Variants in CES5A observed in about 807,000 individuals in gnomAD.
The protein encoded by CES5A is carboxylesterase 5A.
In CES5A, 67 loss-of-function variants were observed where a neutral mutation model predicts 62.9. The observed-to-expected ratio is 1.07, with a 90% confidence interval of 0.88 to 1.31. The LOEUF (loss-of-function observed/expected upper bound fraction) is 1.31. CES5A is among the 50% of genes most tolerant of loss of function. The pLI is 0.00. For synonymous variants in CES5A, 296 were observed against 280.8 expected (o/e 1.05, Z -0.54); for missense variants, 748 against 708.5 (o/e 1.06, Z -0.63).
intron 1 of CES5A, among the ~76,000 whole-genome samples, chr16:55,904,805 C>G (rs2034023663): frequency 6.6e-6 from 1 of 152,154 alleles, no homozygotes; most frequent in African/African-American, 2.4e-5. Context: ...TTTCTAGTCT[C>G]AGGTCGGGCC....
At chr16:55,911,427 C>T (rs1168321852) in intron 1 of CES5A, among the ~76,000 whole-genome samples, 1 of 152,210 alleles carries the variant, frequency 6.6e-6, no homozygotes, top group Non-Finnish European at 1.5e-5. Flanking sequence ...AACATACAGT[C>T]TCTGCTACAG....
In CES5A at chr16:55,875,261, T is replaced by C; in HGVS notation, c.-40A>G. ...GCACTCTGTGAACATTGACGGCGGC[T>C]GCTGGCCTCAGAGAGCTTCAGTTGG... On this transcript the variant is annotated 5_prime_UTR_variant, in exon 1 of 13. Coordinates refer to ENST00000290567, the MANE Select transcript of CES5A (RefSeq NM_001143685.2). 6.2e-7 allele frequency: 1 copy of C among 1,603,906 alleles called. No individual in the cohort carries two copies. The highest frequency in any genetic ancestry group is 8.5e-7 in the Non-Finnish European group (1 of 1,174,954).
chr16:55,860,491 G>A (rs1308479261), intron 7 of CES5A, among the ~76,000 whole-genome samples: 2 of 152,134 alleles, frequency 1.3e-5, no homozygotes, highest in African/African-American at 4.8e-5. Context: ...TGGTCCTCCA[G>A]GTGATCCTGA....
At position 55,854,544 on chromosome 16, in the gene CES5A, C is replaced by CTTTTCTTTTTTT. The variant is rs750867515; in HGVS notation, c.1126-1517_1126-1516insAAAAAAAGAAAA. Among the ~76,000 whole-genome samples the CTTTTCTTTTTTT allele has an allele frequency of 8.1e-3, 519 of 64,410 alleles. 32 individuals carry two copies. The highest frequency in any genetic ancestry group is 1.0e-2 in the Non-Finnish European group (382 of 38,240). 42.3% of individuals were successfully genotyped at this position (64,410 alleles called of 152,430 possible). On this transcript the variant is annotated intron_variant, in intron 9 of 12. Coordinates refer to ENST00000290567, the MANE Select transcript of CES5A (RefSeq NM_001143685.2). ...CCTGTAGTGTTTCTTTTTTTTTTTT[C>CTTTTCTTTTTTT]TTTTTTTTTTTTTGAGACAGAGTCT...
In CES5A at chr16:55,863,393, G is replaced by A; in HGVS notation, c.765C>T (p.Ala255=). Residue 255 remains alanine, a synonymous_variant, in exon 6 of 13, where the codon GCC becomes GCT. Transcript: ENST00000290567. ...CATGGGCCTCCAGGTAAGGGATGAT[G>A]GCCACCCCACTCTCCATGATGGCTT... ...FHKAIMESGV[A]IIPYLEAHDY... is the part of the protein sequence containing the mutation. The A allele has an allele frequency of 6.2e-7, 1 of 1,609,716 alleles. No individual in the cohort carries two copies.
rs2033552306 is a variant in CES5A at position 55,870,095 on chromosome 16, C to A, written c.418-351G>T. 2.0e-5 allele frequency among the ~76,000 whole-genome samples: 3 copies of A among 152,272 alleles called. No homozygotes were observed. The South Asian group carries it at 6.2e-4, about 32-fold the overall frequency. On this transcript the variant is annotated intron_variant, in intron 3 of 12. Transcript: ENST00000290567. ...CATCTAAAGCTCATAGAACAATGAG[C>A]AATAGCACATTTCAAGTTTCAAGTG...
chr16:55,873,713 C>CCT, intron 2 of CES5A, 120 bp downstream of exon 2: 1 of 911,114 alleles, frequency 1.1e-6, no homozygotes, highest in Non-Finnish European at 1.7e-6. Flanking sequence ...AGTCTCAAGC[C>CCT]CTCTCTCTCC....
chr16:55,949,831 C>T (rs1403492720), exon 2 of CES5A: 5 of 1,524,088 alleles, frequency 3.3e-6, no homozygotes, highest in Non-Finnish European at 4.4e-6. Context: ...TCAATACATA[C>T]AAAGTTGAGG....
chr16:55,874,123 TG>T lies in CES5A; in HGVS notation c.74-87del. The T allele has an allele frequency of 3.3e-6, 4 of 1,197,858 alleles. No homozygotes were observed. The South Asian group carries it at 5.5e-5, about 16-fold the overall frequency. The allele number at this position is 1,197,858 out of a possible 1,614,324, so 74.2% of individuals were successfully genotyped here. A position where few individuals can be genotyped will look rare whatever the true frequency, so the allele number is the denominator to read the frequency against. ...CCAGTCTGGAGCTCCCCAGTGGGGA[TG>T]TGCTTCCTTCACTCAGAAGTTGTGC... On this transcript the variant is annotated intron_variant, in intron 1 of 12. Transcript: ENST00000290567.
At chr16:55,892,283 T>C (rs2033888239) in intron 1 of CES5A, among the ~76,000 whole-genome samples, 1 of 152,152 alleles carries the variant, frequency 6.6e-6, no homozygotes, top group Non-Finnish European at 1.5e-5. Flanking sequence ...CTGCTTCAAA[T>C]TGTCCCACCT....
chr16:55,903,912 A>C (rs2034014766), intron 1 of CES5A, among the ~76,000 whole-genome samples: 1 of 152,246 alleles, frequency 6.6e-6, no homozygotes, highest in Non-Finnish European at 1.5e-5. Flanking sequence ...GGAAATATTT[A>C]CAACCAGATG....
At chr16:55,884,150 C>G (rs1299478570) in intron 1 of CES5A, among the ~76,000 whole-genome samples, 1 of 152,222 alleles carries the variant, frequency 6.6e-6, no homozygotes, top group East Asian at 1.9e-4. Flanking sequence ...AAGGATCTGG[C>G]CACCTTTTCA....
intron 1 of CES5A, among the ~76,000 whole-genome samples, chr16:55,898,262 C>A (rs1472228289): frequency 6.6e-6 from 1 of 152,142 alleles, no homozygotes; most frequent in Non-Finnish European, 1.5e-5. Context: ...CATGTAAAAT[C>A]ACATGTAGAT....
chr16:55,856,827 T>C (rs1167838664), intron 8 of CES5A, among the ~76,000 whole-genome samples: 1 of 152,228 alleles, frequency 6.6e-6, no homozygotes, highest in Non-Finnish European at 1.5e-5. Context: ...ATGTGGCTGT[T>C]AGAGTGGGTC....
chr16:55,870,687 G>A (rs1366402978), intron 3 of CES5A, among the ~76,000 whole-genome samples: 2 of 152,148 alleles, frequency 1.3e-5, no homozygotes, highest in Non-Finnish European at 2.9e-5. Flanking sequence ...AACAGAGCAA[G>A]ACTCTGTCCC....
chr16:55,885,413 CATG>C (rs2033805281), intron 1 of CES5A, among the ~76,000 whole-genome samples: 1 of 152,168 alleles, frequency 6.6e-6, no homozygotes, highest in Admixed American at 6.5e-5. Context: ...CAGGATTAAA[CATG>C]CAAAGATTTT....
chr16:55,873,047 G>C (rs1350773443), intron 2 of CES5A, among the ~76,000 whole-genome samples: 1 of 152,144 alleles, frequency 6.6e-6, no homozygotes, highest in African/African-American at 2.4e-5. Context: ...ATCTTCTGTG[G>C]CTTAGGGAAT....
In CES5A at chr16:55,875,155, T is replaced by G. The variant is rs368909229; in HGVS notation, c.67A>C (p.Thr23Pro). ...IWAIWVLAAP[T>P]KGPSAEGPQR... ...TTCCCATTGGATATCTCACCTTTGGTGGGGGCTGCAAGGACCCAGATAGCC... is the reference window on the plus strand; with the variant it reads ...TTCCCATTGGATATCTCACCTTTGGGGGGGGCTGCAAGGACCCAGATAGCC... The change falls in exon 1 of 13, where the codon ACC (threonine) becomes CCC (proline). Residue 23 changes from threonine (T) to proline (P), a missense_variant. By Grantham distance (38) the Thr-to-Pro change is conservative. Coordinates refer to ENST00000290567, the MANE Select transcript of CES5A (RefSeq NM_001143685.2). The G allele has an allele frequency of 3.1e-6, 5 of 1,613,972 alleles. No individual in the cohort carries two copies. In the African/African-American group the frequency reaches 6.7e-5, roughly 22 times the overall value.
rs1457756752 is a variant in CES5A, at chr16:55,871,744, A to G, written c.298T>C (p.Trp100Arg). The G allele has an allele frequency of 8.1e-6, 13 of 1,613,888 alleles. No homozygotes were observed. Among genetic ancestry groups the G allele is most frequent in the African/African-American group, 2.7e-5 (2 of 74,884 alleles). ...AGCATATGTTGATCTAAGAGCAGCC[A>G]CTCTGAGTTCTGGAGGCACCTTGGA... ...YPNLCLQNSEWLLLDQHMLKV... is the reference protein window; with the variant it reads ...YPNLCLQNSERLLLDQHMLKV... Residue 100 changes from tryptophan (W) to arginine (R), a missense_variant, in exon 3 of 13, where the codon TGG becomes CGG. Transcript: ENST00000290567.
Sources: allele counts gnomAD v4.1 joint callset (sites outside exome capture counted in the v4.1 genomes callset), GRCh38; gene constraint gnomAD v4.1.1; transcripts MANE v1.5; gene names NCBI Gene and HGNC (gene_info 2026-07-23, HGNC 2026-07-21).